Variants in NTNG1 observed in about 807,000 individuals in gnomAD.
NTNG1 encodes the protein netrin-G1.
NTNG1 carries 16 observed loss-of-function variants against 54.0 expected under a neutral mutation model. That is an observed-to-expected ratio of 0.30 (90% CI 0.20 to 0.45). The LOEUF (loss-of-function observed/expected upper bound fraction) is 0.45, where lower values mean the gene tolerates loss of function less well. Among genes scored for constraint, NTNG1 ranks in the 20% least tolerant of loss-of-function variants. NTNG1 has a pLI of 1.00. For synonymous variants in NTNG1, 255 were observed against 263.1 expected, an observed-to-expected ratio of 0.97 and a Z score of 0.30; for missense variants, 530 against 678.7, an observed-to-expected ratio of 0.78 and a Z score of 2.43.
In NTNG1 at chr1:107,480,793, C is replaced by T. The variant is rs2101619234; in HGVS notation, c.1573C>T (p.Leu525=). 1 of 1,592,460 alleles carries T rather than the reference C, an allele frequency of 6.3e-7. No individual in the cohort carries two copies. Among genetic ancestry groups the T allele is most frequent in the Middle Eastern group, 1.7e-4 (1 of 5,778 alleles). The change falls in exon 8 of 8, where the codon CTG becomes TTG. Residue 525 remains leucine, a synonymous_variant. Transcript: ENST00000370068. The part of the protein sequence containing the change: ...GAPPHGSPAL[L]LLTTLLGTAS... ...GCCCCCGCACGGCTCCCCAGCGCTG[C>T]TGCTGCTGACCACGCTGCTGGGAAC...
At chr1:107,215,771 C>T (rs1438311488) in intron 2 of NTNG1, among the ~76,000 whole-genome samples, 1 of 151,722 alleles carries the variant, frequency 6.6e-6, no homozygotes, top group African/African-American at 2.4e-5. Flanking sequence ...CATCGATAAG[C>T]ATGGAATATG....
intron 3 of NTNG1, among the ~76,000 whole-genome samples, chr1:107,387,583 T>C (rs6696776): frequency 0.74 from 112,144 of 152,104 alleles, 41,839 homozygotes; most frequent in Middle Eastern, 0.86. Flanking sequence ...TAAGTGTTAA[T>C]GTGGCTGTCT....
chr1:107,395,035 TA>T, intron 3 of NTNG1, 118 bp from the exon 4 acceptor site: 1 of 771,420 alleles, frequency 1.3e-6, no homozygotes, highest in Non-Finnish European at 2.2e-6. Flanking sequence ...TATCTCTTAC[TA>T]AATGCCTCTG....
chr1:107,313,115 G>T (rs1229676238), intron 2 of NTNG1, among the ~76,000 whole-genome samples: 1 of 152,048 alleles, frequency 6.6e-6, no homozygotes, highest in Non-Finnish European at 1.5e-5. Flanking sequence ...GATCTACTTT[G>T]GGGGGCATTA....
chr1:107,355,267 A>C (rs1179034400), intron 3 of NTNG1, among the ~76,000 whole-genome samples: 1 of 145,182 alleles, frequency 6.9e-6, no homozygotes, highest in Admixed American at 6.7e-5. Flanking sequence ...TTTTTTTTTA[A>C]CTTTTTTATT....
At chr1:107,206,901 C>T (rs567289004) in intron 2 of NTNG1, among the ~76,000 whole-genome samples, 4 of 152,140 alleles carry the variant, frequency 2.6e-5, no homozygotes, top group East Asian at 1.9e-4. Context: ...ATGTATATTC[C>T]GCCATCTCGC....
intron 2 of NTNG1, among the ~76,000 whole-genome samples, chr1:107,189,284 G>A (rs1158538008): frequency 1.4e-5 from 2 of 146,960 alleles, no homozygotes; most frequent in Non-Finnish European, 3.0e-5. Flanking sequence ...CCAGGAGGCA[G>A]AGGTTGCAGT....
intron 2 of NTNG1, among the ~76,000 whole-genome samples, chr1:107,283,251 AT>A (rs1664985318): frequency 6.6e-6 from 1 of 152,084 alleles, no homozygotes; most frequent in African/African-American, 2.4e-5. Flanking sequence ...TATGTACTAA[AT>A]TCCAACTTGA....
chr1:107,291,177 T>C (rs1047082488), intron 2 of NTNG1, among the ~76,000 whole-genome samples: 1 of 151,860 alleles, frequency 6.6e-6, no homozygotes, highest in African/African-American at 2.4e-5. Context: ...ACGACAAGGA[T>C]GAAGACCTTT....
At chr1:107,411,387 G>A (rs1196360097) in intron 5 of NTNG1, among the ~76,000 whole-genome samples, 3 of 152,124 alleles carry the variant, frequency 2.0e-5, no homozygotes, top group African/African-American at 4.8e-5. Context: ...GCCCAGAGAT[G>A]TTTTCATACT....
At chr1:107,409,692 A>T (rs1673671437) in intron 5 of NTNG1, 1 of 152,140 alleles carries the variant, frequency 6.6e-6, no homozygotes. Context: ...TCCCTTCAAT[A>T]TGCCTCTGGC....
At chr1:107,308,188 C>T (rs549448424) in intron 2 of NTNG1, among the ~76,000 whole-genome samples, 12 of 152,052 alleles carry the variant, frequency 7.9e-5, no homozygotes, top group South Asian at 2.1e-4. Context: ...TTGCTTTTGT[C>T]GAGATTGTTT....
intron 2 of NTNG1, among the ~76,000 whole-genome samples, chr1:107,151,106 A>G (rs1654533501): frequency 6.6e-6 from 1 of 152,198 alleles, no homozygotes; most frequent in African/African-American, 2.4e-5. Flanking sequence ...AATATTACCT[A>G]TCAATGCTTA....
chr1:107,290,590 G>T (rs1665516396), intron 2 of NTNG1, among the ~76,000 whole-genome samples: 2 of 151,996 alleles, frequency 1.3e-5, no homozygotes, highest in East Asian at 3.9e-4. Context: ...AGGGGTACTG[G>T]AATTCAGGCA....
At chr1:107,270,449 A>G (rs1041820063) in intron 2 of NTNG1, among the ~76,000 whole-genome samples, 6 of 152,310 alleles carry the variant, frequency 3.9e-5, no homozygotes, top group Admixed American at 1.3e-4. Flanking sequence ...AACATCTCTA[A>G]GACACAGTTT....
At chr1:107,389,446 G>A (rs996660418) in intron 3 of NTNG1, among the ~76,000 whole-genome samples, 24 of 152,158 alleles carry the variant, frequency 1.6e-4, no homozygotes, top group African/African-American at 4.1e-4. Flanking sequence ...TGAGGCAGAC[G>A]GTATAGGTTT....
intron 7 of NTNG1, among the ~76,000 whole-genome samples, chr1:107,456,984 A>T (rs1430840002): frequency 6.6e-6 from 1 of 152,248 alleles, no homozygotes; most frequent in East Asian, 1.9e-4. Flanking sequence ...GAAGCACAAC[A>T]CCATCCACAC....
Position 107,334,357 on chromosome 1 carries a change from A to C in NTNG1, c.887+9435A>C, listed in dbSNP as rs184825698. 1.5e-3 allele frequency among the ~76,000 whole-genome samples: 224 copies of C among 152,078 alleles called. 1 individual carries two copies. Among genetic ancestry groups the C allele is most frequent in the African/African-American group, 5.1e-3 (211 of 41,520 alleles). On this transcript the variant is annotated intron_variant, in intron 3 of 7. Coordinates refer to ENST00000370068, the MANE Select transcript of NTNG1 (RefSeq NM_001113226.3). Reference sequence around the variant, plus strand: ...GGCCGCTTTTACTCATTTGGTGCTAACAGAATATCAGGGAAGCAAAGCTGT... The same window carrying C: ...GGCCGCTTTTACTCATTTGGTGCTACCAGAATATCAGGGAAGCAAAGCTGT...
At chr1:107,360,137 A>T (rs1002445394) in intron 3 of NTNG1, among the ~76,000 whole-genome samples, 11 of 152,174 alleles carry the variant, frequency 7.2e-5, no homozygotes, top group Admixed American at 4.6e-4. Flanking sequence ...AAACATATTG[A>T]TTAGAAAAAT....
Sources: allele counts gnomAD v4.1 joint callset (sites outside exome capture counted in the v4.1 genomes callset), GRCh38; gene constraint gnomAD v4.1.1; transcripts MANE v1.5; gene names NCBI Gene and HGNC (gene_info 2026-07-23, HGNC 2026-07-21).